RP1: variants seen among roughly 807,000 people sequenced by gnomAD.
RP1 encodes the protein oxygen-regulated protein 1.
Under a neutral mutation model 14.8 loss-of-function variants are expected in RP1, and 16 were observed. The ratio of observed to expected loss-of-function variants is 1.08; its 90% CI spans 0.73 to 1.65. The LOEUF (loss-of-function observed/expected upper bound fraction) is 1.65, where lower values mean the gene tolerates loss of function less well. RP1 is among the 40% of genes most tolerant of loss of function. The pLI, the probability that RP1 is intolerant of heterozygous loss-of-function variation, is 0.00. For synonymous variants in RP1, 876 were observed against 883.6 expected (o/e 0.99, Z 0.15); for missense variants, 2,631 against 2,535.0 (o/e 1.04, Z -0.81).
intron 21 of RP1, among the ~76,000 whole-genome samples, chr8:54,756,606 G>A (rs960059954): frequency 3.3e-5 from 5 of 152,200 alleles, no homozygotes; most frequent in African/African-American, 1.2e-4. Flanking sequence ...TATCAGGAAT[G>A]AATTATTAAT....
At position 54,630,077 on chromosome 8, in the gene RP1, C is replaced by A. The variant is rs576244844; in HGVS notation, c.6195C>A (p.Val2065=). 9 of 1,613,802 alleles carry A rather than the reference C, an allele frequency of 5.6e-6. No homozygotes were observed. Among genetic ancestry groups the A allele is most frequent in the South Asian group, 1.1e-5 (1 of 91,046 alleles). ...SGQTNEIFKA[V]DENNNLLNNR... ...AGACAAATGAAATCTTTAAAGCAGT[C>A]GATGAGAATAACAACTTATTAAATA... The change falls in exon 4 of 4, where the codon GTC becomes GTA. Residue 2065 remains valine (V), a synonymous_variant. Coordinates refer to ENST00000220676, the MANE Select transcript of RP1 (RefSeq NM_006269.2).
At position 54,720,047 on chromosome 8, in the gene RP1, A is replaced by G. The variant is rs887869176; in HGVS notation, c.2212-82A>G. ...TAGTGATTCGAAACGAGACAAAATT[A>G]TATTCTTTTAAAACGACTGGTTTTA... On this transcript the variant is annotated intron_variant, in intron 15 of 22. Transcript: ENST00000636932. The G allele has an allele frequency of 5.3e-6, 6 of 1,141,226 alleles. No individual in the cohort carries two copies. The African/African-American group carries it at 7.8e-5, about 15-fold the overall frequency. The allele number at this position is 1,141,226 out of a possible 1,614,324, so 70.7% of individuals were successfully genotyped here. A position where few individuals can be genotyped will look rare whatever the true frequency, so the allele number is the denominator to read the frequency against.
chr8:54,621,976 C>T lies in RP1; in HGVS notation c.616-141C>T, dbSNP rs1430213773. Reference sequence around the variant, plus strand: ...TTGGTATTTCCGCTTATTTTGTATACACCATTGGTGCCTAAGAAAATGCTC... The same window carrying T: ...TTGGTATTTCCGCTTATTTTGTATATACCATTGGTGCCTAAGAAAATGCTC... On this transcript the variant is annotated intron_variant, in intron 2 of 3. Transcript: ENST00000220676. The T allele has an allele frequency of 8.1e-6, 7 of 864,014 alleles. 1 individual carries two copies. The Admixed American group carries it at 1.4e-4, about 17-fold the overall frequency. The allele number at this position is 864,014 out of a possible 1,614,324, so 53.5% of individuals were successfully genotyped here.
chr8:54,664,246 C>T (rs1222486643), intron 7 of RP1, among the ~76,000 whole-genome samples: 2 of 152,056 alleles, frequency 1.3e-5, no homozygotes, highest in Non-Finnish European at 2.9e-5. Context: ...CTGAATAATA[C>T]TCCATTGTGT....
intron 24 of RP1, among the ~76,000 whole-genome samples, chr8:54,809,768 G>C (rs1810943213): frequency 6.6e-6 from 1 of 152,226 alleles, no homozygotes; most frequent in African/African-American, 2.4e-5. Context: ...ATGCTGAAAA[G>C]TAAGTGGTGA....
Position 54,726,432 on chromosome 8 carries a change from C to T in RP1, c.2477C>T (p.Pro826Leu), listed in dbSNP as rs766107231. The T allele has an allele frequency of 4.4e-4, 680 of 1,532,868 alleles. 3 individuals are homozygous for T. The highest frequency in any genetic ancestry group is 1.9e-4 in the South Asian group (16 of 83,664). 95.0% of individuals were successfully genotyped at this position (1,532,868 alleles called of 1,614,324 possible). A position where few individuals can be genotyped will look rare whatever the true frequency, so the allele number is the denominator to read the frequency against. ...GAGTCAAAAAAACAGAAAAAAATAC[C>T]CCCAGAATCTGAGGCTAGGAGTCCC... Residue 826 changes from proline (P) to leucine (L), a missense_variant, in exon 17 of 23, where the codon CCC (proline) becomes CTC (leucine). Physicochemically the swap from Pro to Leu is moderately conservative, Grantham distance 98. Coordinates refer to the RP1 transcript ENST00000636932.
chr8:54,636,967 C>G (rs1174725930), intron 3 of RP1, among the ~76,000 whole-genome samples: 1 of 152,122 alleles, frequency 6.6e-6, no homozygotes, highest in Non-Finnish European at 1.5e-5. Context: ...TTATTTTATG[C>G]CTTTGCTTAC....
chr8:54,620,052 T>C (rs933849230), intron 1 of RP1, among the ~76,000 whole-genome samples: 1 of 152,234 alleles, frequency 6.6e-6, no homozygotes, highest in Middle Eastern at 3.2e-3. Flanking sequence ...TTTTTTAAAT[T>C]GTGCAATAAT....
intron 15 of RP1, among the ~76,000 whole-genome samples, chr8:54,719,386 G>A (rs1443725397): frequency 6.6e-6 from 1 of 152,192 alleles, no homozygotes; most frequent in Non-Finnish European, 1.5e-5. Context: ...CTTACTGAAA[G>A]AAGCTCACAT....
Position 54,625,022 on chromosome 8 carries a change from A to G in RP1, c.1140A>G (p.Leu380=). 1 of 1,614,212 alleles carries G rather than the reference A, an allele frequency of 6.2e-7. No individual in the cohort carries two copies. Among genetic ancestry groups the G allele is most frequent in the Non-Finnish European group, 8.5e-7 (1 of 1,180,028 alleles). The change falls in exon 4 of 4, where the codon TTA becomes TTG. Residue 380 remains leucine, a synonymous_variant. Coordinates refer to ENST00000220676, the MANE Select transcript of RP1 (RefSeq NM_006269.2). ...GAACAGAAAGTCGATCATCTGGTTTAAAGCTTGCAGCATGTTCATTCTCTG... is the reference window on the plus strand; with the variant it reads ...GAACAGAAAGTCGATCATCTGGTTTGAAGCTTGCAGCATGTTCATTCTCTG... ...PGRTESRSSG[L]KLAACSFSAD...
At chr8:54,810,214 G>A (rs1349075690) in intron 24 of RP1, among the ~76,000 whole-genome samples, 1 of 152,100 alleles carries the variant, frequency 6.6e-6, no homozygotes, top group Non-Finnish European at 1.5e-5. Flanking sequence ...AAATGACTGG[G>A]GTTCTAGAGT....
chr8:54,702,157 G>T (rs183452169), intron 14 of RP1, among the ~76,000 whole-genome samples: 1 of 151,876 alleles, frequency 6.6e-6, no homozygotes. Flanking sequence ...TTCACCACAC[G>T]GTGAGACTAA....
chr8:54,610,203 C>G (rs151055105), intron 1 of RP1, among the ~76,000 whole-genome samples: 1 of 152,338 alleles, frequency 6.6e-6, no homozygotes, highest in East Asian at 1.9e-4. Flanking sequence ...CCATTTGACA[C>G]AGCTCATCAC....
chr8:54,755,766 G>T, exon 21 of RP1: 1 of 1,519,886 alleles, frequency 6.6e-7, no homozygotes, highest in Non-Finnish European at 8.8e-7. Context: ...TTTCAAAGAG[G>T]ACAGGTGAGT....
chr8:54,598,626 C>T (rs1159270679), intron 1 of RP1, among the ~76,000 whole-genome samples: 1 of 152,136 alleles, frequency 6.6e-6, no homozygotes, highest in African/African-American at 2.4e-5. Context: ...CAGATAACTT[C>T]CTTCAGTCAT....
chr8:54,630,452 A>G lies in RP1; in HGVS notation c.*99A>G, dbSNP rs1053882149. The G allele has an allele frequency of 1.3e-5, 20 of 1,540,224 alleles. No homozygotes were observed. The Admixed American group carries it at 4.1e-4, about 32-fold the overall frequency. On this transcript the variant is annotated 3_prime_UTR_variant, in exon 4 of 4. Coordinates refer to ENST00000220676, the MANE Select transcript of RP1 (RefSeq NM_006269.2). ...ACTAGATAACCTCTAAGAATTTTCC[A>G]CTTCTTCAAAATGAACTTACTCTAG...
intron 5 of RP1, among the ~76,000 whole-genome samples, chr8:54,654,473 A>G (rs1367642768): frequency 6.6e-6 from 1 of 152,200 alleles, no homozygotes; most frequent in Non-Finnish European, 1.5e-5. Flanking sequence ...ATCAAATCAG[A>G]CAGTCTTGGC....
downstream of RP1, among the ~76,000 whole-genome samples, chr8:54,632,560 A>G (rs1394834309): frequency 6.6e-6 from 1 of 152,268 alleles, no homozygotes. Context: ...ATGGATAAGA[A>G]GTGCATTTGA....
At chr8:54,690,582 G>A (rs919362320) in intron 12 of RP1, among the ~76,000 whole-genome samples, 7 of 151,962 alleles carry the variant, frequency 4.6e-5, no homozygotes, top group East Asian at 1.9e-4. Context: ...GAGAGGAGAC[G>A]TCAGGGGAGT....
Sources: gnomAD v4.1 joint callset for allele counts (sites outside exome capture counted in the v4.1 genomes callset) on GRCh38, gnomAD v4.1.1 for gene constraint, MANE v1.5 for transcripts, NCBI Gene and HGNC (gene_info 2026-07-23, HGNC 2026-07-21) for gene names.